The following ACTA2 variants were observed in gnomAD, a reference collection of about 807,000 sequenced individuals.
The protein encoded by ACTA2 is actin, aortic smooth muscle.
ACTA2 carries 12 observed loss-of-function variants against 39.5 expected under a neutral mutation model. That is an observed-to-expected ratio of 0.30 (90% CI 0.19 to 0.49). The LOEUF (loss-of-function observed/expected upper bound fraction) is 0.49. Ranked by LOEUF, ACTA2 falls within the 20% of genes least tolerant of loss-of-function variation. The probability of loss-of-function intolerance (pLI) is 0.99; values close to 1 mark genes in which losing one functional copy is unlikely to be tolerated. For missense variants in ACTA2, 236 were observed against 498.8 expected (o/e 0.47, Z 5.02); for synonymous variants, 158 against 180.6 (o/e 0.88, Z 1.00).
At chr10:88,935,453 C>T (rs1022141809) in intron 8 of ACTA2, 87 bp from the exon 9 acceptor site, 46 of 1,480,536 alleles carry the variant, frequency 3.1e-5, no homozygotes, top group Non-Finnish European at 4.2e-5. Flanking sequence ...GATGTTCTAC[C>T]ATGGCCTAGT....
chr10:88,964,641 A>T (rs924161798), intron 1 of ACTA2, among the ~76,000 whole-genome samples: 1 of 152,160 alleles, frequency 6.6e-6, no homozygotes, highest in Non-Finnish European at 1.5e-5. Context: ...GGGGTAGGGC[A>T]GAGAGATTTT....
At chr10:88,972,506 T>C (rs1846470583) in intron 1 of ACTA2, among the ~76,000 whole-genome samples, 2 of 152,202 alleles carry the variant, frequency 1.3e-5, no homozygotes, top group Admixed American at 6.5e-5. Flanking sequence ...TTTTGCCTTT[T>C]TTGTTGTTCT....
chr10:88,935,138 G>T lies in ACTA2; in HGVS notation c.*85C>A. On this transcript the variant is annotated 3_prime_UTR_variant, in exon 9 of 9. Coordinates refer to ENST00000224784, the MANE Select transcript of ACTA2 (RefSeq NM_001613.4). ...GGTAACGAGTCAGAGCTTTGGCTAG[G>T]AATGATTTGGAAAAGAACTGAAGGC... is the stretch of plus-strand genomic sequence containing the variant. The T allele has an allele frequency of 6.4e-7, 1 of 1,571,436 alleles. No homozygotes were observed. The highest frequency in any genetic ancestry group is 8.7e-7 in the Non-Finnish European group (1 of 1,145,520).
At chr10:88,988,845 G>A (rs36206197) in intron 1 of ACTA2, among the ~76,000 whole-genome samples, 13,344 of 152,194 alleles carry the variant, frequency 0.088, 768 homozygotes, top group Non-Finnish European at 0.12. Context: ...GCCCTGAGAA[G>A]TTTTGGATTC....
intron 1 of ACTA2, among the ~76,000 whole-genome samples, chr10:88,980,097 A>G (rs1046030316): frequency 4.6e-5 from 7 of 152,216 alleles, no homozygotes; most frequent in African/African-American, 1.4e-4. Flanking sequence ...TTAATTTTTA[A>G]GTTTTGTTCA....
intron 1 of ACTA2, among the ~76,000 whole-genome samples, chr10:88,987,400 A>G (rs1846933709): frequency 6.6e-6 from 1 of 152,230 alleles, no homozygotes; most frequent in Non-Finnish European, 1.5e-5. Context: ...TGGGTGGTCC[A>G]GGGTTCAATT....
chr10:88,935,100 TAAA>T lies in ACTA2; in HGVS notation c.*120_*122del. 1 of 1,407,418 alleles carries T rather than the reference TAAA, an allele frequency of 7.1e-7. No individual in the cohort carries two copies. The highest frequency in any genetic ancestry group is 9.8e-7 in the Non-Finnish European group (1 of 1,015,324). 87.2% of individuals were successfully genotyped at this position (1,407,418 alleles called of 1,614,324 possible). A position where few individuals can be genotyped will look rare whatever the true frequency, so the allele number is the denominator to read the frequency against. ...TACCAGTAGCCTATTTCAGATTTAT[TAAA>T]AAACACATAGGTAACGAGTCAGAGC... On this transcript the variant is annotated 3_prime_UTR_variant, in exon 9 of 9. Transcript: ENST00000224784.
intron 8 of ACTA2, among the ~76,000 whole-genome samples, chr10:88,936,175 C>G (rs2133240570): frequency 6.6e-6 from 1 of 152,168 alleles, no homozygotes; most frequent in East Asian, 1.9e-4. Flanking sequence ...TAAATTACTC[C>G]CATATTACAT....
chr10:88,979,895 G>A (rs1326090972), intron 1 of ACTA2, among the ~76,000 whole-genome samples: 1 of 152,158 alleles, frequency 6.6e-6, no homozygotes, highest in African/African-American at 2.4e-5. Flanking sequence ...CAAAGGCTTT[G>A]GGGTAGATCC....
chr10:88,970,399 C>G (rs1336146323), intron 1 of ACTA2, among the ~76,000 whole-genome samples: 1 of 152,072 alleles, frequency 6.6e-6, no homozygotes, highest in Non-Finnish European at 1.5e-5. Flanking sequence ...TTCTGACTTC[C>G]ATTTCACTTT....
chr10:88,954,508 G>A (rs891575450), upstream of ACTA2, among the ~76,000 whole-genome samples: 1 of 152,192 alleles, frequency 6.6e-6, no homozygotes, highest in Admixed American at 6.5e-5. Flanking sequence ...GGCAATTTGA[G>A]TAGAGGAAGG....
chr10:88,943,859 G>GCTCTT lies in ACTA2; in HGVS notation c.302_306dup (p.His103LysfsTer12). ...GGTGCCTCCGTGAGCAGGGTGGGAT[G>GCTCTT]CTCTTCAGGGGCAACACGAAGCTCA... On this transcript the variant is annotated frameshift_variant, in exon 4 of 9. Transcript: ENST00000224784. LOFTEE classifies it high-confidence loss of function. The GCTCTT allele has an allele frequency of 6.2e-7, 1 of 1,614,006 alleles. No individual in the cohort carries two copies. The highest frequency in any genetic ancestry group is 8.5e-7 in the Non-Finnish European group (1 of 1,179,914).
At chr10:88,973,369 G>T in intron 1 of ACTA2, 1 of 1,446,558 alleles carries the variant, frequency 6.9e-7, no homozygotes. Context: ...ATTGCCAGGC[G>T]AACAATTGTG....
At chr10:88,953,686 T>A (rs1846087958), upstream of ACTA2, among the ~76,000 whole-genome samples, 1 of 152,148 alleles carries the variant, frequency 6.6e-6, no homozygotes, top group South Asian at 2.1e-4. Context: ...CATAATCCCA[T>A]GTCCAGAGAA....
At chr10:88,952,351 G>C (rs1846065528) in intron 1 of ACTA2, among the ~76,000 whole-genome samples, 1 of 152,078 alleles carries the variant, frequency 6.6e-6, no homozygotes, top group Non-Finnish European at 1.5e-5. Context: ...CAACAAATCA[G>C]AACCAGAAAG....
At chr10:88,959,511 G>A (rs1203658267) in intron 1 of ACTA2, among the ~76,000 whole-genome samples, 1 of 152,128 alleles carries the variant, frequency 6.6e-6, no homozygotes, top group Non-Finnish European at 1.5e-5. Flanking sequence ...TACAATCCCT[G>A]GAGAAGACCT....
chr10:88,959,596 G>A (rs1327846386), intron 1 of ACTA2, among the ~76,000 whole-genome samples: 2 of 152,204 alleles, frequency 1.3e-5, no homozygotes, highest in Admixed American at 1.3e-4. Flanking sequence ...GAGTTCTCAT[G>A]TACCCTACAC....
intron 3 of ACTA2, among the ~76,000 whole-genome samples, chr10:88,944,877 A>G (rs1220361044): frequency 6.6e-6 from 1 of 152,264 alleles, no homozygotes; most frequent in Non-Finnish European, 1.5e-5. Context: ...GGAATATGAG[A>G]TTCACTCAAA....
intron 1 of ACTA2, among the ~76,000 whole-genome samples, chr10:88,965,538 G>A (rs1478674753): frequency 1.3e-5 from 2 of 152,178 alleles, no homozygotes; most frequent in African/African-American, 4.8e-5. Flanking sequence ...CGGCTGCCTA[G>A]TGTACTTGCC....
Sources: gnomAD v4.1 joint callset for allele counts (sites outside exome capture counted in the v4.1 genomes callset) on GRCh38, gnomAD v4.1.1 for gene constraint, MANE v1.5 for transcripts, NCBI Gene and HGNC (gene_info 2026-07-23, HGNC 2026-07-21) for gene names.